The following NLRP1 variants were observed in gnomAD, a reference collection of about 807,000 sequenced individuals.
NLRP1 encodes the protein NLR family pyrin domain containing 1, also known as NACHT, LRR and PYD domains-containing protein 1.
Under a neutral mutation model 136.7 loss-of-function variants are expected in NLRP1, and 94 were observed. That is an observed-to-expected ratio of 0.69 (90% CI 0.58 to 0.82). The LOEUF (loss-of-function observed/expected upper bound fraction) is 0.82, where lower values mean the gene tolerates loss of function less well. NLRP1 is among the 40% of genes least tolerant of loss of function. The pLI, the probability that NLRP1 is intolerant of heterozygous loss-of-function variation, is 0.00. For missense variants in NLRP1, 1,575 were observed against 1,802.7 expected (o/e 0.87, Z 2.29); for synonymous variants, 690 against 725.1 (o/e 0.95, Z 0.78).
chr17:5,556,231 C>T (rs1277566932), intron 4 of NLRP1, among the ~76,000 whole-genome samples: 4 of 151,950 alleles, frequency 2.6e-5, no homozygotes, highest in African/African-American at 9.7e-5. Context: ...GAGCAGCTTG[C>T]TTGAGCCCAG....
chr17:5,519,488 C>T lies in NLRP1; in HGVS notation c.3915+1393G>A, dbSNP rs184437566. ...TAGACAGAGTTTTGCTCTTGTAGCC[C>T]ACACTGGAGTGCAGGGGGGGTGATC... is the stretch of plus-strand genomic sequence containing the variant. On this transcript the variant is annotated intron_variant, in intron 14 of 16. Coordinates refer to ENST00000572272, the MANE Select transcript of NLRP1 (RefSeq NM_033004.4). Among the ~76,000 whole-genome samples the T allele has an allele frequency of 2.7e-5, 4 of 150,626 alleles. No homozygotes were observed. The East Asian group carries it at 7.9e-4, about 30-fold the overall frequency.
At chr17:5,528,322 T>C (rs555629279) in intron 12 of NLRP1, among the ~76,000 whole-genome samples, 1 of 152,332 alleles carries the variant, frequency 6.6e-6, no homozygotes, top group East Asian at 1.9e-4. Flanking sequence ...GCTTCTTGTT[T>C]CAGCCATCAG....
rs116513188 is a variant in NLRP1 at position 5,524,663 on chromosome 17, T to A, written c.3521-2877A>T. ...GCACTGGAATGTCTTCACATGTCAG[T>A]TGAGGGAGCTGAAATCCTGGGAGGA... On this transcript the variant is annotated intron_variant, in intron 12 of 16. Coordinates refer to ENST00000572272, the MANE Select transcript of NLRP1 (RefSeq NM_033004.4). Among the ~76,000 whole-genome samples, 1,370 of 152,274 alleles carry A rather than the reference T, an allele frequency of 9.0e-3. 21 individuals carry two copies. The highest frequency in any genetic ancestry group is 0.03 in the African/African-American group (1,244 of 41,552).
chr17:5,553,284 A>G, intron 5 of NLRP1, 102 bp downstream of exon 5: 1 of 1,113,748 alleles, frequency 9.0e-7, no homozygotes, highest in Non-Finnish European at 1.2e-6. Context: ...GCCTCAACGA[A>G]TATTTGATAA....
chr17:5,518,068 C>T, intron 14 of NLRP1, 181 bp from the exon 15 acceptor site: 1 of 595,888 alleles, frequency 1.7e-6, no homozygotes, highest in Non-Finnish European at 3.0e-6. Context: ...GATGAGGACA[C>T]AACTGAGTAC....
intron 9 of NLRP1, 124 bp downstream of exon 9, chr17:5,533,773 C>A (rs117114494): frequency 0.066 from 46,829 of 708,146 alleles, 2,021 homozygotes; most frequent in Non-Finnish European, 0.088. Context: ...GGGGGTAGCA[C>A]CCTCTTGGGT....
At chr17:5,534,067 C>A in intron 8 of NLRP1, 79 bp from the exon 9 acceptor site, 1 of 1,011,444 alleles carries the variant, frequency 9.9e-7, no homozygotes, top group South Asian at 1.3e-5. Context: ...ACTAAAAATT[C>A]AACTCCTCCT....
intron 4 of NLRP1, among the ~76,000 whole-genome samples, chr17:5,554,031 C>T (rs1913720964): frequency 1.3e-5 from 2 of 152,170 alleles, no homozygotes; most frequent in African/African-American, 4.8e-5. Context: ...CACAGACATT[C>T]TGGAGTCCCA....
At chr17:5,520,431 A>T (rs1908749449) in intron 14 of NLRP1, among the ~76,000 whole-genome samples, 3 of 152,156 alleles carry the variant, frequency 2.0e-5, no homozygotes, top group African/African-American at 7.2e-5. Flanking sequence ...ATCTAAAGAA[A>T]ATCTTCGTTT....
At chr17:5,568,656 A>T (rs1049291491) in intron 3 of NLRP1, among the ~76,000 whole-genome samples, 1 of 152,142 alleles carries the variant, frequency 6.6e-6, no homozygotes, top group Admixed American at 6.6e-5. Context: ...CATTTATTGT[A>T]GTCTTCACTG....
chr17:5,556,156 A>G (rs1414552122), intron 4 of NLRP1, among the ~76,000 whole-genome samples: 1 of 144,706 alleles, frequency 6.9e-6, no homozygotes, highest in Non-Finnish European at 1.5e-5. Context: ...ACACACACAC[A>G]CACACATGAA....
intron 5 of NLRP1, among the ~76,000 whole-genome samples, chr17:5,546,623 T>C (rs896189861): frequency 1.3e-5 from 2 of 152,090 alleles, no homozygotes; most frequent in African/African-American, 4.8e-5. Context: ...CATTTCAAGA[T>C]AAATCCAAAA....
intron 5 of NLRP1, among the ~76,000 whole-genome samples, chr17:5,548,647 A>G (rs2151787558): frequency 6.6e-6 from 1 of 152,292 alleles, no homozygotes; most frequent in East Asian, 1.9e-4. Flanking sequence ...AATGCACTCC[A>G]GTCTGCATTC....
At chr17:5,540,972 G>A (rs1358049888) in intron 6 of NLRP1, among the ~76,000 whole-genome samples, 1 of 152,166 alleles carries the variant, frequency 6.6e-6, no homozygotes, top group South Asian at 2.1e-4. Flanking sequence ...GTGCACAGAG[G>A]GGTGTGTATA....
At chr17:5,567,570 T>C (rs977680315) in intron 3 of NLRP1, among the ~76,000 whole-genome samples, 1 of 152,180 alleles carries the variant, frequency 6.6e-6, no homozygotes, top group Non-Finnish European at 1.5e-5. Context: ...GTTCATCATC[T>C]AGTCTGTCTA....
downstream of NLRP1, among the ~76,000 whole-genome samples, chr17:5,509,898 G>T (rs569335318): frequency 2.7e-3 from 409 of 152,266 alleles, no homozygotes; most frequent in Non-Finnish European, 4.5e-3. Flanking sequence ...GGGTGGATTA[G>T]TCTGAACACA....
intron 15 of NLRP1, among the ~76,000 whole-genome samples, chr17:5,509,018 GCAGA>G (rs1463162708): frequency 6.6e-6 from 1 of 152,142 alleles, no homozygotes; most frequent in Non-Finnish European, 1.5e-5. Context: ...TCATGCCCAC[GCAGA>G]CAAAGGTCCT....
chr17:5,577,182 A>G (rs1905111412), intron 3 of NLRP1, among the ~76,000 whole-genome samples: 2 of 152,214 alleles, frequency 1.3e-5, no homozygotes, highest in Admixed American at 1.3e-4. Flanking sequence ...AACTGCAAGC[A>G]TTCCCTTTGA....
At chr17:5,539,988 C>T (rs190309670) in intron 6 of NLRP1, among the ~76,000 whole-genome samples, 138 of 152,330 alleles carry the variant, frequency 9.1e-4, no homozygotes, top group Middle Eastern at 3.4e-3. Flanking sequence ...GGTGAGCCAC[C>T]GTGCCCGGCC....
Sources: allele counts gnomAD v4.1 joint callset (sites outside exome capture counted in the v4.1 genomes callset), GRCh38; gene constraint gnomAD v4.1.1; transcripts MANE v1.5; gene names NCBI Gene and HGNC (gene_info 2026-07-23, HGNC 2026-07-21).